The following CPA6 variants were observed in gnomAD, a reference collection of about 807,000 sequenced individuals.
CPA6 encodes carboxypeptidase B.
A neutral mutation model predicts 63.3 loss-of-function variants in CPA6; 58 were observed. That is an observed-to-expected ratio of 0.92 (90% CI 0.74 to 1.14). CPA6 has a LOEUF of 1.14. Ranked by LOEUF, CPA6 falls within the 50% of genes most tolerant of loss-of-function variation. The pLI, the probability that CPA6 is intolerant of heterozygous loss-of-function variation, is 0.00. For missense variants in CPA6, 565 were observed against 526.6 expected (o/e 1.07, Z -0.71); for synonymous variants, 185 against 179.0 (o/e 1.03, Z -0.27).
intron 1 of CPA6, among the ~76,000 whole-genome samples, chr8:67,725,166 A>T (rs898221414): frequency 9.2e-5 from 14 of 152,202 alleles, no homozygotes; most frequent in Non-Finnish European, 1.8e-4. Flanking sequence ...GAAAAACCAC[A>T]GTATCTTGTT....
At chr8:67,561,708 C>G (rs768661989) in intron 2 of CPA6, among the ~76,000 whole-genome samples, 7 of 152,018 alleles carry the variant, frequency 4.6e-5, no homozygotes, top group Non-Finnish European at 8.8e-5. Flanking sequence ...AGTAATATAT[C>G]GGTGTTAATT....
intron 8 of CPA6, among the ~76,000 whole-genome samples, chr8:67,474,742 G>A (rs1226964323): frequency 6.6e-6 from 1 of 152,162 alleles, no homozygotes; most frequent in East Asian, 1.9e-4. Flanking sequence ...TTGGGAGGCT[G>A]AGTTGGAAGG....
chr8:67,454,305 A>G (rs1172303719), intron 8 of CPA6, among the ~76,000 whole-genome samples: 2 of 152,238 alleles, frequency 1.3e-5, no homozygotes, highest in Admixed American at 6.5e-5. Context: ...ATACTGTTGA[A>G]TACCAAATCC....
chr8:67,659,586 C>T (rs572713851), intron 1 of CPA6, among the ~76,000 whole-genome samples: 2 of 152,256 alleles, frequency 1.3e-5, no homozygotes, highest in East Asian at 1.9e-4. Context: ...AGTCTCCTGG[C>T]GCTTGGATTA....
At chr8:67,436,336 G>T (rs1810153908) in intron 8 of CPA6, among the ~76,000 whole-genome samples, 1 of 151,452 alleles carries the variant, frequency 6.6e-6, no homozygotes, top group African/African-American at 2.4e-5. Context: ...CAGTCTCTTT[G>T]CATGTGTGGA....
intron 1 of CPA6, among the ~76,000 whole-genome samples, chr8:67,713,093 G>GTATA (rs1817299903): frequency 3.4e-5 from 3 of 87,988 alleles, no homozygotes; most frequent in East Asian, 4.0e-4. Context: ...ATGTGTGTGT[G>GTATA]TGTGTGTATA....
chr8:67,544,332 A>T (rs536964433), intron 2 of CPA6, among the ~76,000 whole-genome samples: 5 of 152,174 alleles, frequency 3.3e-5, no homozygotes, highest in Non-Finnish European at 7.3e-5. Context: ...ACAGGAAGGA[A>T]CGCTTCCGTG....
intron 1 of CPA6, among the ~76,000 whole-genome samples, chr8:67,687,070 C>T (rs747426749): frequency 6.7e-6 from 1 of 149,664 alleles, no homozygotes. Context: ...TTTCTGATGG[C>T]TTCTTAGAAG....
At chr8:67,720,914 T>G (rs1225280321) in intron 1 of CPA6, among the ~76,000 whole-genome samples, 1 of 152,194 alleles carries the variant, frequency 6.6e-6, no homozygotes, top group Non-Finnish European at 1.5e-5. Context: ...CCTGAGTTGA[T>G]CTCTCCTCTT....
chr8:67,713,646 A>C (rs192346783), intron 1 of CPA6, among the ~76,000 whole-genome samples: 9 of 152,300 alleles, frequency 5.9e-5, no homozygotes, highest in Middle Eastern at 3.4e-3. Flanking sequence ...GCGGCCTGGG[A>C]ATATTTCATC....
At chr8:67,560,987 A>C (rs1564000959) in intron 2 of CPA6, among the ~76,000 whole-genome samples, 3 of 152,172 alleles carry the variant, frequency 2.0e-5, no homozygotes, top group African/African-American at 7.2e-5. Flanking sequence ...TATAAACAAA[A>C]ATGTTGATGA....
At chr8:67,673,390 T>TATTATTATTA (rs1248669612) in intron 1 of CPA6, among the ~76,000 whole-genome samples, 12 of 99,650 alleles carry the variant, frequency 1.2e-4, no homozygotes, top group African/African-American at 6.9e-4. Context: ...ATTTATTTAT[T>TATTATTATTA]TTTTTTTTTT....
At chr8:67,545,497 C>T (rs1220805212) in intron 2 of CPA6, among the ~76,000 whole-genome samples, 3 of 151,756 alleles carry the variant, frequency 2.0e-5, no homozygotes, top group Non-Finnish European at 4.4e-5. Flanking sequence ...TTACATTATG[C>T]TGCTGACTCA....
intron 1 of CPA6, among the ~76,000 whole-genome samples, chr8:67,627,913 A>G (rs1815229410): frequency 2.0e-5 from 3 of 152,234 alleles, no homozygotes; most frequent in Non-Finnish European, 2.9e-5. Flanking sequence ...CCTTCTGAGC[A>G]TGTATGCACC....
intron 8 of CPA6, among the ~76,000 whole-genome samples, chr8:67,455,413 A>G (rs1365147184): frequency 1.3e-5 from 2 of 152,072 alleles, no homozygotes; most frequent in Non-Finnish European, 2.9e-5. Context: ...ACTAAAAAAA[A>G]TGGGTTTGGT....
At chr8:67,739,673 T>C (rs1817876910) in intron 1 of CPA6, among the ~76,000 whole-genome samples, 1 of 152,204 alleles carries the variant, frequency 6.6e-6, no homozygotes, top group South Asian at 2.1e-4. Flanking sequence ...TGACTAGATC[T>C]GGTTTCAGGG....
intron 1 of CPA6, among the ~76,000 whole-genome samples, chr8:67,709,978 T>C (rs991832308): frequency 3.3e-5 from 5 of 152,030 alleles, no homozygotes; most frequent in African/African-American, 7.3e-5. Context: ...CTGGGCATGG[T>C]GGTGCGTGCC....
At chr8:67,507,018 G>A in intron 5 of CPA6, 130 bp from the exon 6 acceptor site, 1 of 611,360 alleles carries the variant, frequency 1.6e-6, no homozygotes, top group Non-Finnish European at 3.0e-6. Flanking sequence ...AAGGACAAAG[G>A]GAGTTCCTAT....
chr8:67,628,862 A>G (rs1815253243), intron 1 of CPA6, among the ~76,000 whole-genome samples: 1 of 152,196 alleles, frequency 6.6e-6, no homozygotes, highest in Non-Finnish European at 1.5e-5. Flanking sequence ...CATGCCTGTA[A>G]TACCAGCACT....
Sources: gnomAD v4.1 joint callset for allele counts (sites outside exome capture counted in the v4.1 genomes callset) on GRCh38, gnomAD v4.1.1 for gene constraint, MANE v1.5 for transcripts, NCBI Gene and HGNC (gene_info 2026-07-23, HGNC 2026-07-21) for gene names.